The following TUBGCP2 variants were observed in gnomAD, a reference collection of about 807,000 sequenced individuals.
The protein encoded by TUBGCP2 is tubulin gamma complex component 2, also known as gamma-tubulin complex component 2.
Under a neutral mutation model 92.2 loss-of-function variants are expected in TUBGCP2, and 55 were observed. The ratio of observed to expected loss-of-function variants is 0.60; its 90% CI spans 0.48 to 0.75. The LOEUF is 0.75. Among genes scored for constraint, TUBGCP2 ranks in the 30% least tolerant of loss-of-function variants. The pLI is 0.00. For synonymous variants in TUBGCP2, 533 were observed against 505.2 expected (o/e 1.06, Z -0.74); for missense variants, 1,093 against 1,188.9 (o/e 0.92, Z 1.19).
chr10:133,298,167 T>A (rs1253997527), intron 4 of TUBGCP2, 56 bp from the exon 5 acceptor site: 1 of 1,567,930 alleles, frequency 6.4e-7, no homozygotes, highest in Non-Finnish European at 8.7e-7. Context: ...GCGCAAACAC[T>A]CAACTAAAGA....
intron 2 of TUBGCP2, among the ~76,000 whole-genome samples, chr10:133,301,531 T>C (rs111837985): frequency 1.6e-4 from 24 of 152,324 alleles, no homozygotes; most frequent in African/African-American, 5.8e-4. Context: ...ATTATCCTTG[T>C]GCCATTGTTA....
chr10:133,279,630 G>C lies in TUBGCP2; in HGVS notation c.*136C>G, dbSNP rs1311690756. The C allele has an allele frequency of 2.3e-6, 3 of 1,303,998 alleles. No individual in the cohort carries two copies. The highest frequency in any genetic ancestry group is 3.0e-6 in the Non-Finnish European group (3 of 1,004,606). 80.8% of individuals were successfully genotyped at this position (1,303,998 alleles called of 1,614,324 possible). On this transcript the variant is annotated 3_prime_UTR_variant, in exon 18 of 18. Coordinates refer to ENST00000252936, the MANE Select transcript of TUBGCP2 (RefSeq NM_006659.4). ...GAAACCCAGCGCCTTGAGAAACAAAGTGAGCTGAGTCAATCATTCCTGCTT... is the reference window on the plus strand; with the variant it reads ...GAAACCCAGCGCCTTGAGAAACAAACTGAGCTGAGTCAATCATTCCTGCTT...
At chr10:133,284,529 T>C (rs1847079613) in intron 13 of TUBGCP2, among the ~76,000 whole-genome samples, 1 of 152,028 alleles carries the variant, frequency 6.6e-6, no homozygotes, top group African/African-American at 2.4e-5. Context: ...ATTAAAATAA[T>C]TTTCTTTTTT....
At chr10:133,291,284 T>TC (rs753494293) in intron 8 of TUBGCP2, among the ~76,000 whole-genome samples, 14 of 73,300 alleles carry the variant, frequency 1.9e-4, no homozygotes, top group African/African-American at 8.6e-4. Context: ...TCCCTCCGTG[T>TC]CCCTGTGTCC....
chr10:133,301,700 C>CTTTTTTTTTT lies in TUBGCP2; in HGVS notation c.150+1082_150+1091dup, dbSNP rs71016439. Reference sequence around the variant, plus strand: ...CAACATGGTTAATACCAGTCCCTCCCTTTTTTTTTTTTTTTTTTTTTTTTT... The same window carrying CTTTTTTTTTT: ...CAACATGGTTAATACCAGTCCCTCCCTTTTTTTTTTTTTTTTTTTTTTTTTTTTTTTTTTT... On this transcript the variant is annotated intron_variant, in intron 2 of 17. Coordinates refer to ENST00000252936, the MANE Select transcript of TUBGCP2 (RefSeq NM_006659.4). The CTTTTTTTTTT allele has an allele frequency of 3.0e-4, 26 of 87,252 alleles. 3 individuals are homozygous for CTTTTTTTTTT. The highest frequency in any genetic ancestry group is 1.1e-3 in the African/African-American group (22 of 19,864). The allele number at this position is 87,252 out of a possible 1,614,324, so 5.4% of individuals were successfully genotyped here. A position where few individuals can be genotyped will look rare whatever the true frequency, so the allele number is the denominator to read the frequency against.
In TUBGCP2 at chr10:133,281,412, C is replaced by T. The variant is rs757823567; in HGVS notation, c.2434G>A (p.Val812Met). Residue 812 changes from valine (V) to methionine (M), a missense_variant, in exon 17 of 18, where the codon GTG (valine) becomes ATG (methionine). Transcript: ENST00000252936. ...GCCTCGAAGCCGGACACCAGCTGCA[C>T]AGTGTCTGCGTGCTCAGCCAGGTGC... ...RKHLAEHADT[V>M]QLVSGFEATI... 2 of 1,613,366 alleles carry T rather than the reference C, an allele frequency of 1.2e-6. No homozygotes were observed. The highest frequency in any genetic ancestry group is 3.3e-5 in the Admixed American group (2 of 60,024).
At chr10:133,281,499 C>T in intron 16 of TUBGCP2, 63 bp from the exon 17 acceptor site, 3 of 1,579,690 alleles carry the variant, frequency 1.9e-6, no homozygotes, top group South Asian at 1.1e-5. Flanking sequence ...CTTGGCTCCA[C>T]ACTGTTCCCA....
chr10:133,293,040 G>T lies in TUBGCP2; in HGVS notation c.1023C>A (p.Leu341=). The T allele has an allele frequency of 6.2e-7, 1 of 1,612,690 alleles. No homozygotes were observed. Among genetic ancestry groups the T allele is most frequent in the South Asian group, 1.1e-5 (1 of 91,026 alleles). The change falls in exon 7 of 18, where the codon CTC becomes CTA. Residue 341 remains leucine (L), a splice_region_variant and synonymous_variant. Transcript: ENST00000252936. ...AMRTMDILAS[L]ATSVDKGECL... Reference sequence around the variant, plus strand: ...CATGCCCCCCGGGCGGGCACGCACCGAGGGAGGCCAGGATGTCCATGGTGC... The same window carrying T: ...CATGCCCCCCGGGCGGGCACGCACCTAGGGAGGCCAGGATGTCCATGGTGC...
chr10:133,293,572 C>A lies in TUBGCP2; in HGVS notation c.814G>T (p.Ala272Ser), dbSNP rs902320344. The A allele has an allele frequency of 4.5e-6, 7 of 1,552,058 alleles. No individual in the cohort carries two copies. Among genetic ancestry groups the A allele is most frequent in the Non-Finnish European group, 6.1e-6 (7 of 1,147,660 alleles). ...RILPVAASYS[A>S]VTRFIEEKSS... is the part of the protein sequence containing the mutation. ...GCGCCCGGTGCCCACCTGGTCACAG[C>A]GGAGTAGCTGGCGGCCACTGGGAGG... The change falls in exon 6 of 18, where the codon GCT (alanine) becomes TCT (serine). Residue 272 changes from alanine to serine, a missense_variant. Transcript: ENST00000252936.
At chr10:133,304,223 C>T (rs1267424713) in intron 1 of TUBGCP2, among the ~76,000 whole-genome samples, 2 of 152,020 alleles carry the variant, frequency 1.3e-5, no homozygotes, top group South Asian at 2.1e-4. Flanking sequence ...CTTAGCTACT[C>T]GGGAGGCTGA....
At chr10:133,280,300 G>A (rs914400274) in intron 17 of TUBGCP2, among the ~76,000 whole-genome samples, 4 of 152,212 alleles carry the variant, frequency 2.6e-5, no homozygotes, top group African/African-American at 9.6e-5. Context: ...TGGGGCCTGA[G>A]GTGTCAGGGG....
At chr10:133,311,873 C>T (rs374152367), upstream of TUBGCP2, 7 of 1,613,198 alleles carry the variant, frequency 4.3e-6, no homozygotes, top group African/African-American at 6.7e-5. Flanking sequence ...GAAACCCGTT[C>T]TCAACATGTG....
chr10:133,294,338 C>A (rs1301645287), intron 5 of TUBGCP2, among the ~76,000 whole-genome samples: 2 of 152,194 alleles, frequency 1.3e-5, no homozygotes, highest in Non-Finnish European at 2.9e-5. Flanking sequence ...GCCTGGGGGG[C>A]CGGGAGGAGC....
intron 2 of TUBGCP2, 141 bp downstream of exon 2, chr10:133,302,651 G>C: frequency 9.8e-7 from 1 of 1,019,542 alleles, no homozygotes; most frequent in Admixed American, 2.5e-5. Flanking sequence ...CCTCACCCAG[G>C]AATGGTGCTC....
At position 133,281,365 on chromosome 10, in the gene TUBGCP2, C is replaced by G; in HGVS notation, c.2481G>C (p.Lys827Asn). Reference sequence around the variant, plus strand: ...GGTCCAGCAGGTGGGCTGAGAAGTTCTTGTCAAACTTGTTGATGGTGGCCT... The same window carrying G: ...GGTCCAGCAGGTGGGCTGAGAAGTTGTTGTCAAACTTGTTGATGGTGGCCT... Reference protein sequence around the residue: ...GFEATINKFDKNFSAHLLDLL... With the variant: ...GFEATINKFDNNFSAHLLDLL... The change falls in exon 17 of 18, where the codon AAG becomes AAC. Residue 827 changes from lysine (K) to asparagine (N), a missense_variant. Coordinates refer to ENST00000252936, the MANE Select transcript of TUBGCP2 (RefSeq NM_006659.4). 6.2e-7 allele frequency: 1 copy of G among 1,613,874 alleles called. No individual in the cohort carries two copies. Among genetic ancestry groups the G allele is most frequent in the Non-Finnish European group, 8.5e-7 (1 of 1,180,022 alleles).
intron 5 of TUBGCP2, chr10:133,297,344 G>A (rs912942180): frequency 4.8e-6 from 2 of 420,058 alleles, no homozygotes; most frequent in Admixed American, 5.5e-5. Context: ...GTTGCAGTGT[G>A]CCGAGATCAC....
chr10:133,288,021 G>A (rs1847176386), intron 11 of TUBGCP2, 108 bp downstream of exon 11: 18 of 1,375,770 alleles, frequency 1.3e-5, no homozygotes, highest in South Asian at 3.0e-5. Flanking sequence ...CCCTGCGGTC[G>A]CCTCACCGGG....
chr10:133,289,834 G>C lies in TUBGCP2; in HGVS notation c.1350C>G (p.Ile450Met), dbSNP rs770805218. The change falls in exon 9 of 18, where the codon ATC becomes ATG. Residue 450 changes from isoleucine (I) to methionine (M), a missense_variant. Physicochemically the swap from Ile to Met is conservative, Grantham distance 10. Coordinates refer to ENST00000252936, the MANE Select transcript of TUBGCP2 (RefSeq NM_006659.4). The part of the protein sequence containing the change: ...PSFLQKMADK[I>M]LSTGKYLNVV... ...CCCGCTGCGCCGCACCTGTGCTGAG[G>C]ATCTTGTCCGCCATTTTCTGCAGGA... 1 of 471,238 alleles carries C rather than the reference G, an allele frequency of 2.1e-6. No individual in the cohort carries two copies. The highest frequency in any genetic ancestry group is 2.6e-5 in the South Asian group (1 of 37,928). The allele number at this position is 471,238 out of a possible 1,614,324, so 29.2% of individuals were successfully genotyped here.
At position 133,292,007 on chromosome 10, in the gene TUBGCP2, C is replaced by T. The variant is rs538308187; in HGVS notation, c.1214+492G>A. Among the ~76,000 whole-genome samples the T allele has an allele frequency of 2.2e-4, 3 of 13,668 alleles. 1 individual carries two copies. The highest frequency in any genetic ancestry group is 7.0e-3 in the South Asian group (2 of 286). The allele number at this position is 13,668 out of a possible 152,430, so 9.0% of individuals were successfully genotyped here. A position where few individuals can be genotyped will look rare whatever the true frequency, so the allele number is the denominator to read the frequency against. ...ACGGGAGAGGGCAGCACGCACCCTC[C>T]GTGTCCCCCATGTCCCTCTGTGTCC... is the stretch of plus-strand genomic sequence containing the variant. On this transcript the variant is annotated intron_variant, in intron 8 of 17. Transcript: ENST00000252936.
Sources: allele counts gnomAD v4.1 joint callset (sites outside exome capture counted in the v4.1 genomes callset), GRCh38; gene constraint gnomAD v4.1.1; transcripts MANE v1.5; gene names NCBI Gene and HGNC (gene_info 2026-07-23, HGNC 2026-07-21).